SCAPER: variants seen among roughly 807,000 people sequenced by gnomAD.
SCAPER encodes the protein S-phase cyclin A associated protein in the ER, also known as S phase cyclin A-associated protein in the endoplasmic reticulum.
Under a neutral mutation model 182.2 loss-of-function variants are expected in SCAPER, and 98 were observed. The observed-to-expected ratio is 0.54, with a 90% CI of 0.46 to 0.64. The LOEUF is 0.64. Ranked by LOEUF, SCAPER falls within the 30% of genes least tolerant of loss-of-function variation. The pLI is 0.00. For missense variants in SCAPER, 1,432 were observed against 1,690.0 expected (o/e 0.85, Z 2.68); for synonymous variants, 605 against 564.6 (o/e 1.07, Z -1.01).
At chr15:76,634,530 T>C (rs2053430898) in intron 21 of SCAPER, among the ~76,000 whole-genome samples, 2 of 152,188 alleles carry the variant, frequency 1.3e-5, no homozygotes, top group Non-Finnish European at 2.9e-5. Flanking sequence ...ATACCAATTT[T>C]GGGAGTATCA....
chr15:76,366,333 C>T (rs2041818171), intron 29 of SCAPER, among the ~76,000 whole-genome samples: 1 of 152,196 alleles, frequency 6.6e-6, no homozygotes, highest in Admixed American at 6.5e-5. Flanking sequence ...AAATGCAGTG[C>T]ATGGGCTGAT....
chr15:76,774,847 T>C lies in SCAPER; in HGVS notation c.1035+8A>G. On this transcript the variant is annotated splice_region_variant and intron_variant, in intron 9 of 31. Transcript: ENST00000563290. ...AAAGACAGTAAAAGGATTTTCAGAA[T>C]GTACTACCTGGGTTTTTTCGGCAAG... is the stretch of plus-strand genomic sequence containing the variant. The C allele has an allele frequency of 1.2e-6, 2 of 1,600,852 alleles. No homozygotes were observed. Among genetic ancestry groups the C allele is most frequent in the Non-Finnish European group, 1.7e-6 (2 of 1,173,816 alleles).
intron 26 of SCAPER, among the ~76,000 whole-genome samples, chr15:76,420,371 C>G (rs1226061628): frequency 3.3e-5 from 5 of 151,350 alleles, no homozygotes; most frequent in Non-Finnish European, 7.4e-5. Context: ...CACCACTATG[C>G]CTGGCACATG....
At chr15:76,434,663 T>A (rs1436773169) in intron 25 of SCAPER, among the ~76,000 whole-genome samples, 1 of 152,194 alleles carries the variant, frequency 6.6e-6, no homozygotes, top group Non-Finnish European at 1.5e-5. Flanking sequence ...ATATTAAAAA[T>A]TTAAATGAAC....
At chr15:76,440,731 T>C (rs1283618525) in intron 25 of SCAPER, among the ~76,000 whole-genome samples, 1 of 152,108 alleles carries the variant, frequency 6.6e-6, no homozygotes, top group African/African-American at 2.4e-5. Flanking sequence ...CATGCAACAG[T>C]CTTTTTGCCA....
chr15:76,435,700 T>A (rs1485905579), intron 25 of SCAPER, among the ~76,000 whole-genome samples: 1 of 152,238 alleles, frequency 6.6e-6, no homozygotes, highest in Non-Finnish European at 1.5e-5. Context: ...ATTCTGCATG[T>A]TTAAAAATAT....
intron 1 of SCAPER, among the ~76,000 whole-genome samples, chr15:76,886,197 C>G (rs1414778154): frequency 6.6e-6 from 1 of 152,150 alleles, no homozygotes; most frequent in Non-Finnish European, 1.5e-5. Flanking sequence ...ATAAAACTCA[C>G]AACCGGGCAC....
At chr15:76,726,124 A>AATATATATATATATATATATATAT (rs765875424) in intron 17 of SCAPER, among the ~76,000 whole-genome samples, 7 of 15,352 alleles carry the variant, frequency 4.6e-4, no homozygotes, top group African/African-American at 8.7e-4. Context: ...TAATGTCTAG[A>AATATATATATATATATATATATAT]ATATATATAT....
chr15:76,379,332 A>C lies in SCAPER; in HGVS notation c.3705+2046T>G, dbSNP rs2042780778. The stretch of plus-strand genomic sequence containing the variant: ...CAGGAAGGAAAGAACTGAGAAGGAA[A>C]TATAGAGTTGCATGAGAAGAAGGAA... On this transcript the variant is annotated intron_variant, in intron 28 of 31. Transcript: ENST00000563290. Among the ~76,000 whole-genome samples, 4 of 152,316 alleles carry C rather than the reference A, an allele frequency of 2.6e-5. No homozygotes were observed. In the South Asian group the frequency reaches 8.3e-4, roughly 32 times the overall value.
intron 28 of SCAPER, chr15:76,379,683 G>T (rs2042808504): frequency 6.6e-6 from 1 of 151,708 alleles, no homozygotes; most frequent in Non-Finnish European, 1.5e-5. Context: ...TTTTCTTTTT[G>T]ATTTTTTTCT....
intron 27 of SCAPER, among the ~76,000 whole-genome samples, chr15:76,400,563 G>A (rs1018457161): frequency 3.3e-5 from 5 of 152,152 alleles, no homozygotes; most frequent in African/African-American, 4.8e-5. Context: ...CTGTGGTCTG[G>A]TGGTGTTCAG....
chr15:76,455,639 A>AT (rs2048673628), intron 25 of SCAPER, among the ~76,000 whole-genome samples: 1 of 152,110 alleles, frequency 6.6e-6, no homozygotes, highest in Non-Finnish European at 1.5e-5. Flanking sequence ...CACACCTAGT[A>AT]TTTTTTAACT....
chr15:76,690,804 T>C lies in SCAPER; in HGVS notation c.2508+10954A>G, dbSNP rs1223287526. On this transcript the variant is annotated intron_variant, in intron 20 of 31. Transcript: ENST00000563290. ...TGGAAAGAGCCCTTATTTACTTATG[T>C]CTATTATGAACTTCATATTAAGTCC... Among the ~76,000 whole-genome samples the C allele has an allele frequency of 6.6e-5, 10 of 152,242 alleles. No homozygotes were observed. In the South Asian group the frequency reaches 1.9e-3, roughly 28 times the overall value.
chr15:76,580,990 C>G (rs944435057), intron 22 of SCAPER, among the ~76,000 whole-genome samples: 3 of 152,008 alleles, frequency 2.0e-5, no homozygotes, highest in Non-Finnish European at 2.9e-5. Flanking sequence ...CACAGAAATT[C>G]AAAGGATCAT....
In SCAPER at chr15:76,702,975, C is replaced by A; in HGVS notation, c.2275G>T (p.Glu759Ter). Reference sequence around the variant, plus strand: ...TTTTCTTTTCTTTGTTCAATCTGTTCCATGTGCCTTCGAATACTTTCATCA... The same window carrying A: ...TTTTCTTTTCTTTGTTCAATCTGTTACATGTGCCTTCGAATACTTTCATCA... ...KHDESIRRHM[E>*]QIEQRKEKAA... is the part of the protein sequence containing the mutation. Residue 759 changes from glutamate (E) to a stop codon, truncating the protein, a stop_gained, in exon 19 of 32, where the codon GAA (glutamate) becomes TAA (stop). Transcript: ENST00000563290. LOFTEE classifies it high-confidence loss of function. 2 of 1,589,288 alleles carry A rather than the reference C, an allele frequency of 1.3e-6. No individual in the cohort carries two copies. The highest frequency in any genetic ancestry group is 1.7e-6 in the Non-Finnish European group (2 of 1,171,770).
chr15:76,609,642 G>A (rs2050798957), intron 22 of SCAPER, among the ~76,000 whole-genome samples: 1 of 152,150 alleles, frequency 6.6e-6, no homozygotes, highest in Admixed American at 6.5e-5. Flanking sequence ...ATCTGACTCT[G>A]AATCTGATGC....
At chr15:76,383,121 T>TAC (rs2043076506) in intron 27 of SCAPER, among the ~76,000 whole-genome samples, 5 of 125,966 alleles carry the variant, frequency 4.0e-5, no homozygotes, top group South Asian at 5.0e-4. Context: ...CACACACACC[T>TAC]ACACACACAT....
chr15:76,349,383 G>A (rs1158179227), intron 31 of SCAPER: 2 of 152,086 alleles, frequency 1.3e-5, no homozygotes, highest in East Asian at 1.9e-4. Flanking sequence ...ATATAGCACA[G>A]CCTATCTAAC....
intron 24 of SCAPER, among the ~76,000 whole-genome samples, chr15:76,484,917 G>A (rs1361475670): frequency 7.3e-6 from 1 of 136,970 alleles, no homozygotes; most frequent in Non-Finnish European, 1.7e-5. Context: ...AAAATAATAA[G>A]AGCCATCTAT....
Sources: gnomAD v4.1 joint callset for allele counts (sites outside exome capture counted in the v4.1 genomes callset) on GRCh38, gnomAD v4.1.1 for gene constraint, MANE v1.5 for transcripts, NCBI Gene and HGNC (gene_info 2026-07-23, HGNC 2026-07-21) for gene names.